The following LMLN variants were observed in gnomAD, a reference collection of about 807,000 sequenced individuals.
LMLN encodes the protein leishmanolysin like peptidase.
In LMLN, 70 loss-of-function variants were observed where a neutral mutation model predicts 92.3. The ratio of observed to expected loss-of-function variants is 0.76; its 90% confidence interval spans 0.63 to 0.92. LMLN has a LOEUF of 0.92. Among genes scored for constraint, LMLN ranks in the 40% least tolerant of loss-of-function variants. The pLI, the probability that LMLN is intolerant of heterozygous loss-of-function variation, is 0.00. For synonymous variants in LMLN, 308 were observed against 296.2 expected (o/e 1.04, Z -0.41); for missense variants, 691 against 814.6 (o/e 0.85, Z 1.85).
Position 198,019,358 on chromosome 3 carries a change from C to G in LMLN, c.1338C>G (p.Phe446Leu). ...TTGCCGTGTGTAATTTGCAGAAGTT[C>G]CCTAAGCCTTTACCACAGGAATACC... The change falls in exon 12 of 16, where the codon TTC (phenylalanine) becomes TTG (leucine). Residue 446 changes from phenylalanine to leucine, a missense_variant. By Grantham distance (22) the Phe-to-Leu change is conservative. Transcript: ENST00000330198. This position sits in a 1 kb window ranked among gnomAD's most constrained non-coding sequence, Gnocchi z 5.5. 6.2e-7 allele frequency: 1 copy of G among 1,614,010 alleles called. No homozygotes were observed. The highest frequency in any genetic ancestry group is 8.5e-7 in the Non-Finnish European group (1 of 1,180,006).
intron 11 of LMLN, among the ~76,000 whole-genome samples, chr3:198,017,579 T>C (rs527344077): frequency 5.2e-4 from 79 of 152,326 alleles, no homozygotes; most frequent in South Asian, 2.3e-3. Context: ...ATTAGCCACA[T>C]GTAGTTAAAC....
exon 5 of LMLN, chr3:197,976,624 G>T (rs754643012): frequency 6.3e-7 from 1 of 1,597,554 alleles, no homozygotes; most frequent in Non-Finnish European, 8.6e-7. Flanking sequence ...CAATACCTCC[G>T]GAAGGAAAAC....
intron 1 of LMLN, among the ~76,000 whole-genome samples, chr3:197,967,653 C>T (rs979145112): frequency 2.0e-5 from 3 of 152,172 alleles, no homozygotes; most frequent in Admixed American, 6.5e-5. Context: ...CAACAGAAAA[C>T]AGGGTTTGAG....
chr3:197,969,688 G>T (rs1253635741), intron 1 of LMLN, among the ~76,000 whole-genome samples: 1 of 152,140 alleles, frequency 6.6e-6, no homozygotes, highest in African/African-American at 2.4e-5. Flanking sequence ...AATATTGAGT[G>T]TTTGCTCCAG....
In LMLN at chr3:198,031,050, G is replaced by A. The variant is rs1299080084; in HGVS notation, c.1657-4783G>A. Among the ~76,000 whole-genome samples, 1 of 152,222 alleles carries A rather than the reference G, an allele frequency of 6.6e-6. No homozygotes were observed. The highest frequency in any genetic ancestry group is 1.5e-5 in the Non-Finnish European group (1 of 68,038). On this transcript the variant is annotated intron_variant, in intron 14 of 15. Coordinates refer to ENST00000330198, the Ensembl canonical transcript of LMLN. This position sits in a 1 kb window ranked among gnomAD's most constrained non-coding sequence, Gnocchi z 4.8. ...CTCACCTCTGCCCTCAGGGTCCTCA[G>A]CTAGGCCTGAGAATGAAATAGGCAT...
At chr3:197,983,964 C>T in exon 7 of LMLN, 3 of 1,612,630 alleles carry the variant, frequency 1.9e-6, no homozygotes, top group Non-Finnish European at 2.5e-6. Context: ...GATATGCTAA[C>T]CTGTGTCCAA....
At chr3:198,032,667 G>A (rs544914153) in intron 14 of LMLN, among the ~76,000 whole-genome samples, 2 of 152,180 alleles carry the variant, frequency 1.3e-5, no homozygotes, top group South Asian at 2.1e-4. Flanking sequence ...GGGAGCTCCC[G>A]ACCTCTTGAA....
At chr3:198,028,742 A>C (rs1723001150) in intron 14 of LMLN, among the ~76,000 whole-genome samples, 1 of 152,234 alleles carries the variant, frequency 6.6e-6, no homozygotes, top group African/African-American at 2.4e-5. Flanking sequence ...GGTACAGGAA[A>C]AGCCTTTCCC....
chr3:197,980,441 G>A, exon 6 of LMLN: 2 of 1,614,084 alleles, frequency 1.2e-6, no homozygotes, highest in Non-Finnish European at 8.5e-7. Flanking sequence ...GCCACCGAGA[G>A]ATGCAGCCAT....
At chr3:198,030,332 T>C (rs1488505255) in intron 14 of LMLN, among the ~76,000 whole-genome samples, 1 of 152,200 alleles carries the variant, frequency 6.6e-6, no homozygotes, top group Non-Finnish European at 1.5e-5. Context: ...TAAATACGTA[T>C]TCACTGTTTA....
intron 2 of LMLN, 149 bp from the exon 3 acceptor site, chr3:197,974,893 A>C (rs1475285669): frequency 1.6e-6 from 1 of 635,128 alleles, no homozygotes; most frequent in Non-Finnish European, 2.8e-6. Context: ...AAGCAAGGTT[A>C]TTAGAAAAGT....
In LMLN at chr3:197,980,506, T is replaced by A; in HGVS notation, c.728+2T>A. 1.9e-6 allele frequency: 3 copies of A among 1,610,350 alleles called. No homozygotes were observed. Among genetic ancestry groups the A allele is most frequent in the Non-Finnish European group, 2.5e-6 (3 of 1,177,904 alleles). On this transcript the variant is annotated splice_donor_variant, in intron 6 of 15. Coordinates refer to ENST00000330198, the Ensembl canonical transcript of LMLN. LOFTEE classifies it high-confidence loss of function. ...TCAGCAGGAAGCAAACATGGACAGG[T>A]AATCTTTCCTCCGGGACTTAGTTTC...
chr3:197,995,685 C>T (rs184122751), intron 9 of LMLN, among the ~76,000 whole-genome samples: 28 of 150,428 alleles, frequency 1.9e-4, no homozygotes, highest in Admixed American at 1.6e-3. Flanking sequence ...TGAATATGGT[C>T]AATAGTAGTG....
chr3:198,006,193 CT>C (rs1354152773), intron 11 of LMLN, among the ~76,000 whole-genome samples: 1 of 152,066 alleles, frequency 6.6e-6, no homozygotes, highest in Non-Finnish European at 1.5e-5. Context: ...TTGAGCGTGG[CT>C]TTTTTTACTC....
chr3:197,980,392 A>G, exon 6 of LMLN: 6 of 1,614,126 alleles, frequency 3.7e-6, no homozygotes, highest in African/African-American at 1.3e-5. Context: ...CCAAGAAGGC[A>G]TCTCAGATGC....
chr3:198,014,262 G>C (rs1297719946), intron 11 of LMLN, among the ~76,000 whole-genome samples: 2 of 142,808 alleles, frequency 1.4e-5, no homozygotes, highest in African/African-American at 2.7e-5. Flanking sequence ...CCCCTAACTA[G>C]TCTGACTTCT....
intron 1 of LMLN, among the ~76,000 whole-genome samples, chr3:197,971,902 T>C (rs2109850890): frequency 6.6e-6 from 1 of 151,310 alleles, no homozygotes; most frequent in South Asian, 2.1e-4. Flanking sequence ...TCTAATTACC[T>C]ATCTGCTAGA....
At chr3:198,024,481 C>T (rs1722871424) in intron 13 of LMLN, among the ~76,000 whole-genome samples, 177 bp from the exon 15 acceptor site, 1 of 152,190 alleles carries the variant, frequency 6.6e-6, no homozygotes. Context: ...TCACAAAACC[C>T]TGGGATTACA....
rs774980548 is a variant in LMLN, at chr3:198,019,365, C to G, written c.1345C>G (p.Pro449Ala). The G allele has an allele frequency of 6.2e-7, 1 of 1,613,776 alleles. No individual in the cohort carries two copies. Among genetic ancestry groups the G allele is most frequent in the African/African-American group, 1.3e-5 (1 of 74,920 alleles). ...GTGTAATTTGCAGAAGTTCCCTAAG[C>G]CTTTACCACAGGAATACCAGGTAGA... The change falls in exon 12 of 16, where the codon CCT (proline) becomes GCT (alanine). Residue 449 changes from proline to alanine, a missense_variant. Pro to Ala is a conservative substitution (Grantham distance 27). Coordinates refer to ENST00000330198, the Ensembl canonical transcript of LMLN. The surrounding 1 kb of genome is among the most constrained non-coding windows in gnomAD (Gnocchi z 5.5).
Sources: gnomAD v4.1 joint callset for allele counts (sites outside exome capture counted in the v4.1 genomes callset) on GRCh38, gnomAD v4.1.1 for gene constraint, Gnocchi (gnomAD v3.1) non-coding constraint, MANE v1.5 for transcripts, NCBI Gene and HGNC (gene_info 2026-07-23, HGNC 2026-07-21) for gene names.